EXOC6B: variants seen among roughly 807,000 people sequenced by gnomAD.
EXOC6B encodes the protein exocyst complex component 6B, also known as SEC15 homolog B.
EXOC6B carries 54 observed loss-of-function variants against 113.5 expected under a neutral mutation model. The observed-to-expected ratio is 0.48, with a 90% CI of 0.38 to 0.60. The LOEUF (loss-of-function observed/expected upper bound fraction) is 0.60, where lower values mean the gene tolerates loss of function less well. EXOC6B is among the 20% of genes least tolerant of loss of function. The pLI is 0.00. For missense variants in EXOC6B, 797 were observed against 977.5 expected (o/e 0.82, Z 2.46); for synonymous variants, 357 against 339.0 (o/e 1.05, Z -0.58).
intron 6 of EXOC6B, among the ~76,000 whole-genome samples, chr2:72,652,117 T>G (rs1322559100): frequency 6.6e-6 from 1 of 150,862 alleles, no homozygotes; most frequent in Non-Finnish European, 1.5e-5. Context: ...AATAAAACCA[T>G]ACAGAGCCAG....
chr2:72,663,990 T>C (rs1331472161), intron 6 of EXOC6B, among the ~76,000 whole-genome samples: 1 of 151,954 alleles, frequency 6.6e-6, no homozygotes, highest in Non-Finnish European at 1.5e-5. Flanking sequence ...CCCTTCAACT[T>C]TTCTGTAAAC....
intron 6 of EXOC6B, among the ~76,000 whole-genome samples, chr2:72,699,149 AGT>A (rs1678109812): frequency 6.6e-6 from 1 of 152,202 alleles, no homozygotes; most frequent in East Asian, 1.9e-4. Flanking sequence ...CCTTCTCCAA[AGT>A]TAATAGAAGA....
chr2:72,734,907 A>G (rs1680854058), intron 2 of EXOC6B, among the ~76,000 whole-genome samples: 1 of 152,208 alleles, frequency 6.6e-6, no homozygotes, highest in Non-Finnish European at 1.5e-5. Flanking sequence ...TGGACCCTAT[A>G]TACTATAAAC....
chr2:72,366,311 A>T (rs557136878), intron 19 of EXOC6B, among the ~76,000 whole-genome samples: 1 of 152,180 alleles, frequency 6.6e-6, no homozygotes, highest in East Asian at 1.9e-4. Flanking sequence ...TGACAAATAC[A>T]TTGAAATAGA....
At chr2:72,407,710 T>A (rs1244301723) in intron 18 of EXOC6B, among the ~76,000 whole-genome samples, 1 of 152,186 alleles carries the variant, frequency 6.6e-6, no homozygotes, top group South Asian at 2.1e-4. Context: ...TGATGGGACG[T>A]ATCTCAAAAT....
At chr2:72,328,646 C>T (rs1558561946) in intron 20 of EXOC6B, among the ~76,000 whole-genome samples, 1 of 152,100 alleles carries the variant, frequency 6.6e-6, no homozygotes. Flanking sequence ...GTGGCTATGT[C>T]AAGATCTGAA....
chr2:72,719,045 A>T (rs1292956262), intron 5 of EXOC6B, among the ~76,000 whole-genome samples: 1 of 152,216 alleles, frequency 6.6e-6, no homozygotes, highest in Non-Finnish European at 1.5e-5. Context: ...AAAAGAGAAC[A>T]ACAAATCAAG....
rs150164656 is a variant in EXOC6B at position 72,707,033 on chromosome 2, TTCCAGC to T, written c.669+11064_669+11069del. On this transcript the variant is annotated intron_variant, in intron 6 of 21. Coordinates refer to ENST00000272427, the MANE Select transcript of EXOC6B (RefSeq NM_015189.3). ...CAGAGTTGTGAATGAAGGGGCCCCC[TTCCAGC>T]TCTCAAGCCTAAGCCCGTCTCAGCC... Among the ~76,000 whole-genome samples the T allele has an allele frequency of 3.4e-4, 52 of 152,252 alleles. No individual in the cohort carries two copies. In the East Asian group the frequency reaches 9.9e-3, roughly 29 times the overall value.
At chr2:72,770,891 A>G (rs1683372137) in intron 1 of EXOC6B, among the ~76,000 whole-genome samples, 1 of 152,190 alleles carries the variant, frequency 6.6e-6, no homozygotes, top group Non-Finnish European at 1.5e-5. Context: ...TAAAAATTCA[A>G]AGAAAAAAAG....
At chr2:72,768,200 A>G (rs1040927901) in intron 1 of EXOC6B, among the ~76,000 whole-genome samples, 1 of 151,850 alleles carries the variant, frequency 6.6e-6, no homozygotes, top group African/African-American at 2.4e-5. Flanking sequence ...ACATACAAGT[A>G]TAAATAACAT....
intron 20 of EXOC6B, among the ~76,000 whole-genome samples, chr2:72,189,860 C>CTTTCTTTTTTTTT (rs1553462592): frequency 7.9e-4 from 69 of 87,210 alleles, no homozygotes; most frequent in African/African-American, 3.7e-3. Context: ...CCTTCTTCTT[C>CTTTCTTTTTTTTT]TTTTTTTTTT....
chr2:72,755,773 C>T (rs1016485815), intron 1 of EXOC6B, among the ~76,000 whole-genome samples: 2 of 152,186 alleles, frequency 1.3e-5, no homozygotes, highest in South Asian at 4.1e-4. Flanking sequence ...TAAACTGCAA[C>T]AAGACCTGGC....
chr2:72,295,005 A>G (rs553806695), intron 20 of EXOC6B, among the ~76,000 whole-genome samples: 6 of 152,144 alleles, frequency 3.9e-5, no homozygotes, highest in South Asian at 2.1e-4. Context: ...GGCTGAGGCC[A>G]GTGGATCACG....
intron 18 of EXOC6B, among the ~76,000 whole-genome samples, chr2:72,408,729 A>C (rs928799395): frequency 2.6e-5 from 4 of 152,242 alleles, no homozygotes; most frequent in African/African-American, 9.6e-5. Flanking sequence ...GATGGATTAA[A>C]GACTTAAATG....
intron 20 of EXOC6B, among the ~76,000 whole-genome samples, chr2:72,228,330 A>G (rs983262596): frequency 3.3e-5 from 5 of 152,034 alleles, no homozygotes; most frequent in Non-Finnish European, 7.4e-5. Context: ...GGTTTGTTAC[A>G]TATGTATACA....
At chr2:72,553,093 T>G (rs879573038) in intron 8 of EXOC6B, among the ~76,000 whole-genome samples, 40 of 151,930 alleles carry the variant, frequency 2.6e-4, no homozygotes, top group Non-Finnish European at 4.0e-4. Flanking sequence ...CACAGAAAAC[T>G]TAGGAACCCA....
intron 6 of EXOC6B, among the ~76,000 whole-genome samples, chr2:72,603,708 C>T (rs1272674568): frequency 6.6e-6 from 1 of 152,076 alleles, no homozygotes; most frequent in East Asian, 1.9e-4. Context: ...TCCTTGCTTC[C>T]CACTGGTAAG....
At chr2:72,573,361 T>G (rs1482154997) in intron 7 of EXOC6B, among the ~76,000 whole-genome samples, 1 of 152,226 alleles carries the variant, frequency 6.6e-6, no homozygotes, top group Non-Finnish European at 1.5e-5. Context: ...TTGGTCCTTC[T>G]TGAGACTGAT....
At chr2:72,241,923 C>G (rs564300244) in intron 20 of EXOC6B, among the ~76,000 whole-genome samples, 2 of 152,096 alleles carry the variant, frequency 1.3e-5, no homozygotes, top group East Asian at 3.9e-4. Context: ...AAGAAAGAGC[C>G]TGGCCAGGTG....
Sources: gnomAD v4.1 joint callset for allele counts (sites outside exome capture counted in the v4.1 genomes callset) on GRCh38, gnomAD v4.1.1 for gene constraint, MANE v1.5 for transcripts, NCBI Gene and HGNC (gene_info 2026-07-23, HGNC 2026-07-21) for gene names.